The following CHRM3 variants were observed in gnomAD, a reference collection of about 807,000 sequenced individuals.
The protein encoded by CHRM3 is cholinergic receptor muscarinic 3, also known as muscarinic acetylcholine receptor M3.
CHRM3 carries 11 observed loss-of-function variants against 41.8 expected under a neutral mutation model. The ratio of observed to expected loss-of-function variants is 0.26; its 90% CI spans 0.17 to 0.44. The LOEUF is 0.44. Ranked by LOEUF, CHRM3 falls within the 20% of genes least tolerant of loss-of-function variation. The pLI is 1.00. For missense variants in CHRM3, 571 were observed against 745.4 expected (o/e 0.77, Z 2.72); for synonymous variants, 297 against 301.4 (o/e 0.99, Z 0.15).
At chr1:239,397,397 G>A (rs1659577752) in intron 1 of CHRM3, among the ~76,000 whole-genome samples, 1 of 152,116 alleles carries the variant, frequency 6.6e-6, no homozygotes. Flanking sequence ...TTGTGGCCGG[G>A]TGTGGTGGCT....
chr1:239,910,836 T>C lies in CHRM3; in HGVS notation c.*1612T>C, dbSNP rs1245370137. 1 of 167,038 alleles carries C rather than the reference T, an allele frequency of 6.0e-6. No individual in the cohort carries two copies. The highest frequency in any genetic ancestry group is 1.5e-5 in the Non-Finnish European group (1 of 68,144). 10.3% of individuals were successfully genotyped at this position (167,038 alleles called of 1,614,324 possible). A position where few individuals can be genotyped will look rare whatever the true frequency, so the allele number is the denominator to read the frequency against. On this transcript the variant is annotated 3_prime_UTR_variant, in exon 7 of 7. Transcript: ENST00000676153. ...CAGAGCTGGGTAGAAGCTGCTTTTG[T>C]ATTCAGTGTGAGGTGGTGTTTACAG...
rs1254771569 is a variant in CHRM3, at chr1:239,907,520, C to A, written c.69C>A (p.Ser23Arg). Residue 23 changes from serine to arginine, a missense_variant, in exon 7 of 7, where the codon AGC becomes AGA. Ser to Arg is a moderately radical substitution (Grantham distance 110, BLOSUM62 -1). Around this residue, in one of 5 missense-constraint regions of CHRM3, gnomAD observed 92 missense variants for 76.1 expected, o/e 1.21. Transcript: ENST00000676153. The surrounding 1 kb of genome is among the most constrained non-coding windows in gnomAD (Gnocchi z 5.4). ...ACATCAGCTCCTCCTGGATACACAG[C>A]CCCTCCGATGCAGGGCTGCCCCCGG... ...FPNISSSWIHSPSDAGLPPGT... is the reference protein window; with the variant it reads ...FPNISSSWIHRPSDAGLPPGT... 1 of 1,614,212 alleles carries A rather than the reference C, an allele frequency of 6.2e-7. No individual in the cohort carries two copies.
intron 1 of CHRM3, among the ~76,000 whole-genome samples, chr1:239,430,550 A>G (rs1662754410): frequency 6.6e-6 from 1 of 152,084 alleles, no homozygotes; most frequent in South Asian, 2.1e-4. Flanking sequence ...TTTAGGAAGA[A>G]CACTGATAGA....
At chr1:239,656,434 A>C (rs1442071069) in intron 4 of CHRM3, among the ~76,000 whole-genome samples, 5 of 151,798 alleles carry the variant, frequency 3.3e-5, no homozygotes, top group Non-Finnish European at 7.4e-5. Context: ...CAGCCTGGGC[A>C]ACATGGCAAG....
At chr1:239,830,571 G>T (rs1200846440) in intron 6 of CHRM3, among the ~76,000 whole-genome samples, 1 of 152,150 alleles carries the variant, frequency 6.6e-6, no homozygotes, top group Non-Finnish European at 1.5e-5. Context: ...AGGTGTGGTG[G>T]CGCGTGCCTG....
Position 239,909,419 on chromosome 1 carries a change from A to AAC in CHRM3, c.*196_*197insCA. 2.2e-6 allele frequency: 1 copy of AAC among 455,930 alleles called. No homozygotes were observed. The highest frequency in any genetic ancestry group is 3.9e-6 in the Non-Finnish European group (1 of 259,260). The allele number at this position is 455,930 out of a possible 1,614,324, so 28.2% of individuals were successfully genotyped here. A position where few individuals can be genotyped will look rare whatever the true frequency, so the allele number is the denominator to read the frequency against. ...AAAAAGTCAATACCAATTCAGCAAA[A>AAC]AGAAAAAAAAAACATACTACTGAAT... On this transcript the variant is annotated 3_prime_UTR_variant, in exon 7 of 7. Coordinates refer to ENST00000676153, the MANE Select transcript of CHRM3 (RefSeq NM_001375978.1).
At chr1:239,887,696 C>T (rs903099274) in intron 6 of CHRM3, among the ~76,000 whole-genome samples, 1 of 151,998 alleles carries the variant, frequency 6.6e-6, no homozygotes, top group South Asian at 2.1e-4. Flanking sequence ...ATGAATATGC[C>T]TATCTTTAGT....
At chr1:239,765,083 T>C (rs1326029869) in intron 5 of CHRM3, among the ~76,000 whole-genome samples, 1 of 152,216 alleles carries the variant, frequency 6.6e-6, no homozygotes, top group Non-Finnish European at 1.5e-5. Flanking sequence ...TCAGGGGTTA[T>C]TAGTAATTCC....
chr1:239,835,400 C>G (rs1212661552), intron 6 of CHRM3, among the ~76,000 whole-genome samples: 1 of 152,130 alleles, frequency 6.6e-6, no homozygotes, highest in African/African-American at 2.4e-5. Flanking sequence ...TGAGTGCCCA[C>G]TACGTTCTCT....
chr1:239,632,200 G>A (rs1344328317), intron 3 of CHRM3, 24 bp from the exon 4 acceptor site: 2 of 151,932 alleles, frequency 1.3e-5, no homozygotes, highest in Non-Finnish European at 2.9e-5. Flanking sequence ...CCATATTTTT[G>A]TTTGTTTGTT....
chr1:239,506,276 T>C (rs1382398744), intron 2 of CHRM3, among the ~76,000 whole-genome samples: 4 of 152,052 alleles, frequency 2.6e-5, no homozygotes, highest in Non-Finnish European at 5.9e-5. Flanking sequence ...GGCCCTCCCA[T>C]CACAAGCCCA....
intron 5 of CHRM3, among the ~76,000 whole-genome samples, chr1:239,686,361 C>G (rs1018570170): frequency 6.6e-6 from 1 of 152,154 alleles, no homozygotes; most frequent in Non-Finnish European, 1.5e-5. Flanking sequence ...TGGGAATTAT[C>G]TAAACAGTAT....
chr1:239,422,419 C>G (rs1662022868), intron 1 of CHRM3, among the ~76,000 whole-genome samples: 1 of 152,070 alleles, frequency 6.6e-6, no homozygotes, highest in Non-Finnish European at 1.5e-5. Flanking sequence ...TTCCTCAGAA[C>G]AAACATTGGG....
chr1:239,537,346 G>A (rs376694658), intron 2 of CHRM3, among the ~76,000 whole-genome samples: 9 of 152,094 alleles, frequency 5.9e-5, no homozygotes, highest in Admixed American at 5.2e-4. Flanking sequence ...CTGGGGAAGC[G>A]TCAGGGAGAT....
chr1:239,557,553 G>GTGCTT (rs1211920893), intron 3 of CHRM3, among the ~76,000 whole-genome samples: 1 of 152,090 alleles, frequency 6.6e-6, no homozygotes, highest in Non-Finnish European at 1.5e-5. Context: ...GCGTGGCATG[G>GTGCTT]TGCTTTGCTG....
intron 5 of CHRM3, among the ~76,000 whole-genome samples, chr1:239,787,347 G>A (rs2148837136): frequency 6.6e-6 from 1 of 152,218 alleles, no homozygotes; most frequent in South Asian, 2.1e-4. Context: ...AAAGCCACCT[G>A]CATATGGACT....
At chr1:239,707,403 T>C (rs1428610441) in intron 5 of CHRM3, 1 of 152,182 alleles carries the variant, frequency 6.6e-6, no homozygotes, top group Non-Finnish European at 1.5e-5. Flanking sequence ...GGGCCCGTGA[T>C]AATTCTCAGC....
At chr1:239,906,815 C>T (rs886419748) in intron 6 of CHRM3, among the ~76,000 whole-genome samples, 15 of 152,132 alleles carry the variant, frequency 9.9e-5, no homozygotes, top group African/African-American at 3.4e-4. Context: ...AGATAGCTTT[C>T]CAGGAGATAG....
intron 5 of CHRM3, among the ~76,000 whole-genome samples, chr1:239,796,098 C>G (rs890290548): frequency 6.6e-6 from 1 of 152,124 alleles, no homozygotes; most frequent in Non-Finnish European, 1.5e-5. Context: ...TATTCTACGA[C>G]ATTACTATGA....
Sources: allele counts gnomAD v4.1 joint callset (sites outside exome capture counted in the v4.1 genomes callset), GRCh38; gene constraint gnomAD v4.1.1; regional missense constraint gnomAD v4.1.1; non-coding constraint Gnocchi (gnomAD v3.1); transcripts MANE v1.5; gene names NCBI Gene and HGNC (gene_info 2026-07-23, HGNC 2026-07-21).